The following ABLIM2 variants were observed in gnomAD, a reference collection of about 807,000 sequenced individuals.
ABLIM2 encodes actin binding LIM protein family member 2, also known as actin-binding LIM protein 2.
A neutral mutation model predicts 97.7 loss-of-function variants in ABLIM2; 53 were observed. The observed-to-expected ratio is 0.54, with a 90% CI of 0.44 to 0.68. The LOEUF (loss-of-function observed/expected upper bound fraction) is 0.68, where lower values mean the gene tolerates loss of function less well. ABLIM2 is among the 30% of genes least tolerant of loss of function. The pLI is 0.00. For synonymous variants in ABLIM2, 361 were observed against 345.8 expected, an observed-to-expected ratio of 1.04 and a Z score of -0.49; for missense variants, 835 against 867.2, an observed-to-expected ratio of 0.96 and a Z score of 0.47.
chr4:7,974,050 C>T (rs1329687011), intron 20 of ABLIM2, among the ~76,000 whole-genome samples: 2 of 152,244 alleles, frequency 1.3e-5, no homozygotes, highest in Admixed American at 6.5e-5. Context: ...ATATCAACTC[C>T]TGCCTGAGTC....
rs928744155 is a variant in ABLIM2, at chr4:7,996,774, C to A, written c.1619-3847G>T. Among the ~76,000 whole-genome samples the A allele has an allele frequency of 6.6e-6, 1 of 152,192 alleles. No homozygotes were observed. The highest frequency in any genetic ancestry group is 1.5e-5 in the Non-Finnish European group (1 of 68,036). ...TATCTCACTGAACACAGGATTCATGCGGACAGTTCTGCTCTTTCAGCACGT... is the reference window on the plus strand; with the variant it reads ...TATCTCACTGAACACAGGATTCATGAGGACAGTTCTGCTCTTTCAGCACGT... On this transcript the variant is annotated intron_variant, in intron 16 of 20. Coordinates refer to ENST00000447017, the MANE Select transcript of ABLIM2 (RefSeq NM_001130083.2). The surrounding 1 kb of genome is among the most constrained non-coding windows in gnomAD (Gnocchi z 4.5).
rs1753556514 is a variant in ABLIM2, at chr4:7,996,700, T to A, written c.1619-3773A>T. Among the ~76,000 whole-genome samples the A allele has an allele frequency of 2.0e-5, 3 of 152,224 alleles. No individual in the cohort carries two copies. The South Asian group carries it at 6.2e-4, about 32-fold the overall frequency. ...TGAAGTTCCAAGCCTTCTTCTATTA[T>A]CATTTCCTTTCTGTTTGGAGAAGAT... On this transcript the variant is annotated intron_variant, in intron 16 of 20. Coordinates refer to ENST00000447017, the MANE Select transcript of ABLIM2 (RefSeq NM_001130083.2). This position sits in a 1 kb window ranked among gnomAD's most constrained non-coding sequence, Gnocchi z 4.5.
intron 17 of ABLIM2, among the ~76,000 whole-genome samples, chr4:7,985,519 C>T (rs946336203): frequency 2.0e-5 from 3 of 152,128 alleles, no homozygotes; most frequent in Middle Eastern, 3.2e-3. Context: ...GCTGTGCGTG[C>T]GAGTCAAAGT....
At chr4:7,982,701 CATT>C (rs59501197) in intron 20 of ABLIM2, among the ~76,000 whole-genome samples, 5 of 151,036 alleles carry the variant, frequency 3.3e-5, no homozygotes, top group African/African-American at 7.3e-5. Context: ...CTGCAGAGCT[CATT>C]ATTATTATTA....
At chr4:8,010,172 A>G (rs924256272) in intron 14 of ABLIM2, among the ~76,000 whole-genome samples, 1 of 152,172 alleles carries the variant, frequency 6.6e-6, no homozygotes, top group African/African-American at 2.4e-5. Flanking sequence ...AGGCATCTGG[A>G]TTTTCCATTT....
In ABLIM2 at chr4:8,128,004, C is replaced by G. The variant is rs535337202; in HGVS notation, c.11-21367G>C. Among the ~76,000 whole-genome samples the G allele has an allele frequency of 6.6e-6, 1 of 152,296 alleles. No individual in the cohort carries two copies. Among genetic ancestry groups the G allele is most frequent in the East Asian group, 1.9e-4 (1 of 5,166 alleles). On this transcript the variant is annotated intron_variant, in intron 1 of 20. Coordinates refer to ENST00000447017, the MANE Select transcript of ABLIM2 (RefSeq NM_001130083.2). This position sits in a 1 kb window ranked among gnomAD's most constrained non-coding sequence, Gnocchi z 4.9. ...AAATGGGGGCTTCAAACAACAGATACGGATTCTCTCGCAGTTCTGGGGGCC... is the reference window on the plus strand; with the variant it reads ...AAATGGGGGCTTCAAACAACAGATAGGGATTCTCTCGCAGTTCTGGGGGCC...
intron 7 of ABLIM2, among the ~76,000 whole-genome samples, chr4:8,060,334 C>T (rs1802171562): frequency 6.6e-6 from 1 of 152,188 alleles, no homozygotes; most frequent in Admixed American, 6.5e-5. Context: ...CCACAGGACG[C>T]CCCGCCTTTG....
rs1782271373 is a variant in ABLIM2, at chr4:8,033,455, A to G, written c.1047+2694T>C. On this transcript the variant is annotated intron_variant, in intron 10 of 20. Transcript: ENST00000447017. The surrounding 1 kb of genome is among the most constrained non-coding windows in gnomAD (Gnocchi z 4.5). Reference sequence around the variant, plus strand: ...GGGTGGAATGATGGAATCAAGGGAGAAACCCTCAGGCTGCTCCCGGCCATC... The same window carrying G: ...GGGTGGAATGATGGAATCAAGGGAGGAACCCTCAGGCTGCTCCCGGCCATC... Among the ~76,000 whole-genome samples, 1 of 152,172 alleles carries G rather than the reference A, an allele frequency of 6.6e-6. No homozygotes were observed. The highest frequency in any genetic ancestry group is 1.5e-5 in the Non-Finnish European group (1 of 68,026).
chr4:8,103,777 G>A (rs906294554), intron 2 of ABLIM2, among the ~76,000 whole-genome samples: 76 of 152,204 alleles, frequency 5.0e-4, no homozygotes, highest in Admixed American at 4.6e-3. Context: ...GGCAGTTTCC[G>A]CCAGCTATGA....
intron 1 of ABLIM2, among the ~76,000 whole-genome samples, chr4:8,109,694 G>A (rs1210829049): frequency 5.3e-5 from 8 of 152,214 alleles, no homozygotes; most frequent in Non-Finnish European, 1.0e-4. Context: ...GACCAAGGGC[G>A]GTGGGTATCA....
chr4:8,120,108 T>C lies in ABLIM2; in HGVS notation c.11-13471A>G, dbSNP rs1182034372. On this transcript the variant is annotated intron_variant, in intron 1 of 20. Coordinates refer to ENST00000447017, the MANE Select transcript of ABLIM2 (RefSeq NM_001130083.2). The surrounding 1 kb of genome is among the most constrained non-coding windows in gnomAD (Gnocchi z 5.6). Reference sequence around the variant, plus strand: ...AGGGTCCCTGGCGGCCCCCAGAGCCTGAGAGGAGCCTCTCCTCTGGGAGGC... The same window carrying C: ...AGGGTCCCTGGCGGCCCCCAGAGCCCGAGAGGAGCCTCTCCTCTGGGAGGC... Among the ~76,000 whole-genome samples the C allele has an allele frequency of 6.6e-6, 1 of 152,110 alleles. No homozygotes were observed. Among genetic ancestry groups the C allele is most frequent in the East Asian group, 1.9e-4 (1 of 5,178 alleles).
intron 12 of ABLIM2, among the ~76,000 whole-genome samples, chr4:8,025,107 T>C (rs1776467962): frequency 6.6e-6 from 1 of 152,102 alleles, no homozygotes; most frequent in Non-Finnish European, 1.5e-5. Flanking sequence ...TTTGTATTTT[T>C]AGTAGAGACG....
At chr4:8,144,619 C>G (rs757881617) in intron 1 of ABLIM2, among the ~76,000 whole-genome samples, 1 of 152,206 alleles carries the variant, frequency 6.6e-6, no homozygotes, top group Non-Finnish European at 1.5e-5. Context: ...CCAGTGCCAG[C>G]CCAGCGGGTG....
intron 4 of ABLIM2, among the ~76,000 whole-genome samples, chr4:8,086,799 A>G (rs982869077): frequency 1.4e-4 from 21 of 152,108 alleles, no homozygotes; most frequent in African/African-American, 5.1e-4. Flanking sequence ...TCAAAGATAG[A>G]TAAAAGGCAT....
intron 7 of ABLIM2, among the ~76,000 whole-genome samples, chr4:8,056,856 C>T (rs570930963): frequency 5.6e-5 from 8 of 141,894 alleles, no homozygotes; most frequent in South Asian, 2.3e-4. Flanking sequence ...GGCGTGAACT[C>T]GGGAGGCGGA....
intron 18 of ABLIM2, 116 bp downstream of exon 18, chr4:7,984,723 G>C: frequency 2.6e-6 from 3 of 1,167,162 alleles, no homozygotes; most frequent in Non-Finnish European, 2.4e-6. Flanking sequence ...GTCCCCGCCC[G>C]GCACTCCCGG....
Position 8,054,817 on chromosome 4 carries a change from G to A in ABLIM2, c.764-571C>T, listed in dbSNP as rs149116966. The stretch of plus-strand genomic sequence containing the variant: ...TATGGGGTGAAGAACAGGTGTGTTC[G>A]GTGGGAGCTGGGCACAAGGCTCAAA... On this transcript the variant is annotated intron_variant, in intron 7 of 20. Transcript: ENST00000447017. This position sits in a 1 kb window ranked among gnomAD's most constrained non-coding sequence, Gnocchi z 4.9. 7.8e-4 allele frequency among the ~76,000 whole-genome samples: 119 copies of A among 152,198 alleles called. No homozygotes were observed. Among genetic ancestry groups the A allele is most frequent in the African/African-American group, 2.2e-3 (91 of 41,516 alleles).
At chr4:8,045,822 C>G (rs1192989366) in intron 8 of ABLIM2, among the ~76,000 whole-genome samples, 1 of 152,132 alleles carries the variant, frequency 6.6e-6, no homozygotes, top group Non-Finnish European at 1.5e-5. Flanking sequence ...TCCGGTTATG[C>G]TCAGAGGCGT....
Position 8,020,185 on chromosome 4 carries a change from C to T in ABLIM2, c.1369+17G>A, listed in dbSNP as rs779053812. On this transcript the variant is annotated intron_variant, in intron 13 of 20. Coordinates refer to ENST00000447017, the MANE Select transcript of ABLIM2 (RefSeq NM_001130083.2). ...GTTTCAGTGTAAGGAGCCCAGCCAGCGTGTCCCGGAGCCTACCTGGGACGT... is the reference window on the plus strand; with the variant it reads ...GTTTCAGTGTAAGGAGCCCAGCCAGTGTGTCCCGGAGCCTACCTGGGACGT... The T allele has an allele frequency of 1.6e-5, 25 of 1,606,596 alleles. No homozygotes were observed. Among genetic ancestry groups the T allele is most frequent in the African/African-American group, 1.2e-4 (9 of 74,760 alleles).
Sources: allele counts gnomAD v4.1 joint callset (sites outside exome capture counted in the v4.1 genomes callset), GRCh38; gene constraint gnomAD v4.1.1; non-coding constraint Gnocchi (gnomAD v3.1); transcripts MANE v1.5; gene names NCBI Gene and HGNC (gene_info 2026-07-23, HGNC 2026-07-21).